Variants in LEF1 observed in about 807,000 individuals in gnomAD.
LEF1 encodes the protein lymphoid enhancer-binding factor 1.
Under a neutral mutation model 51.2 loss-of-function variants are expected in LEF1, and 14 were observed. The ratio of observed to expected loss-of-function variants is 0.27; its 90% confidence interval spans 0.18 to 0.43. LEF1 has a LOEUF of 0.43. Ranked by LOEUF, LEF1 falls within the 20% of genes least tolerant of loss-of-function variation. The probability of loss-of-function intolerance (pLI) is 1.00; values close to 1 mark genes in which losing one functional copy is unlikely to be tolerated. For synonymous variants in LEF1, 185 were observed against 183.2 expected, an observed-to-expected ratio of 1.01 and a Z score of -0.08; for missense variants, 386 against 512.0, an observed-to-expected ratio of 0.75 and a Z score of 2.37.
intron 3 of LEF1, among the ~76,000 whole-genome samples, chr4:108,124,090 G>A (rs973243122): frequency 6.6e-6 from 1 of 152,158 alleles, no homozygotes; most frequent in Non-Finnish European, 1.5e-5. Context: ...TGAGGCTTCA[G>A]TGAGCTATGA....
intron 3 of LEF1, among the ~76,000 whole-genome samples, chr4:108,151,666 G>GT (rs908409821): frequency 9.2e-5 from 14 of 152,162 alleles, no homozygotes; most frequent in Non-Finnish European, 1.8e-4. Context: ...ATAGCACTGA[G>GT]TTACTATGAG....
At chr4:108,162,598 T>C (rs1210283131) in intron 3 of LEF1, among the ~76,000 whole-genome samples, 1 of 152,164 alleles carries the variant, frequency 6.6e-6, no homozygotes, top group Non-Finnish European at 1.5e-5. Context: ...ATAGGTTCCA[T>C]TTTACAATCT....
chr4:108,054,910 G>C (rs1211346090), intron 11 of LEF1, among the ~76,000 whole-genome samples: 1 of 152,118 alleles, frequency 6.6e-6, no homozygotes, highest in East Asian at 1.9e-4. Flanking sequence ...AAAGAATAAA[G>C]TTACTTTGCT....
In LEF1 at chr4:108,097,658, AC is replaced by A. The variant is rs374225273; in HGVS notation, c.415-8402del. 2.9e-3 allele frequency among the ~76,000 whole-genome samples: 436 copies of A among 152,234 alleles called. 2 individuals carry two copies. The highest frequency in any genetic ancestry group is 0.01 in the African/African-American group (416 of 41,538). ...CCAATTACCTGGACATGATTACTAC[AC>A]CTTGTATGCCTATATCAAAACATCA... On this transcript the variant is annotated intron_variant, in intron 3 of 11. Coordinates refer to ENST00000265165, the MANE Select transcript of LEF1 (RefSeq NM_016269.5).
At chr4:108,164,426 T>A (rs942877079) in intron 2 of LEF1, among the ~76,000 whole-genome samples, 3 of 152,174 alleles carry the variant, frequency 2.0e-5, no homozygotes, top group Non-Finnish European at 4.4e-5. Context: ...TTAGGCCAAT[T>A]GTTAAGTAAT....
chr4:108,050,790 C>A (rs1408572155), intron 11 of LEF1, among the ~76,000 whole-genome samples: 1 of 152,130 alleles, frequency 6.6e-6, no homozygotes, highest in Non-Finnish European at 1.5e-5. Flanking sequence ...AGGGAGACAA[C>A]CTGCCCTTCT....
intron 11 of LEF1, 44 bp downstream of exon 11, chr4:108,063,579 T>TA (rs1365792340): frequency 1.3e-6 from 2 of 1,495,256 alleles, no homozygotes; most frequent in African/African-American, 1.4e-5. Flanking sequence ...TGCCTCTTTT[T>TA]ATAACAACTA....
intron 3 of LEF1, among the ~76,000 whole-genome samples, chr4:108,146,985 T>C (rs1448439085): frequency 1.3e-5 from 2 of 152,254 alleles, no homozygotes; most frequent in African/African-American, 4.8e-5. Flanking sequence ...ATAAGAAAAC[T>C]GAGGCTCAGT....
intron 1 of LEF1, chr4:108,166,706 A>G: frequency 1.0e-6 from 1 of 992,108 alleles, no homozygotes; most frequent in Non-Finnish European, 1.2e-6. Context: ...AGCGCCTTCC[A>G]CCCTGCAGGA....
At chr4:108,061,134 G>A (rs1737657719) in intron 11 of LEF1, among the ~76,000 whole-genome samples, 1 of 152,176 alleles carries the variant, frequency 6.6e-6, no homozygotes, top group African/African-American at 2.4e-5. Flanking sequence ...GAATGAGAGG[G>A]AGGGCAACAC....
In LEF1 at chr4:108,079,932, C is replaced by T. The variant is rs568278204; in HGVS notation, c.723-318G>A. On this transcript the variant is annotated intron_variant, in intron 6 of 11. Transcript: ENST00000265165. ...ATTTTTAAATGAAAGCAAAACACATCATGTTTTAAAATCTCTGCCTATATT... is the reference window on the plus strand; with the variant it reads ...ATTTTTAAATGAAAGCAAAACACATTATGTTTTAAAATCTCTGCCTATATT... Among the ~76,000 whole-genome samples, 7 of 152,254 alleles carry T rather than the reference C, an allele frequency of 4.6e-5. No homozygotes were observed. In the South Asian group the frequency reaches 1.0e-3, roughly 23 times the overall value.
chr4:108,093,239 T>G (rs1740166976), intron 3 of LEF1, among the ~76,000 whole-genome samples: 1 of 152,120 alleles, frequency 6.6e-6, no homozygotes. Flanking sequence ...ACAATGGGAA[T>G]GAACCCCCTG....
At chr4:108,048,775 C>T in intron 11 of LEF1, 24 bp from the exon 12 acceptor site, 1 of 1,565,348 alleles carries the variant, frequency 6.4e-7, no homozygotes, top group Non-Finnish European at 8.7e-7. Flanking sequence ...AAATGAAATG[C>T]TATTAATATG....
intron 3 of LEF1, among the ~76,000 whole-genome samples, chr4:108,144,761 G>T (rs150333066): frequency 1.3e-5 from 2 of 149,070 alleles, no homozygotes; most frequent in African/African-American, 4.9e-5. Flanking sequence ...TGGGCCACAC[G>T]AGGGTGAAAC....
chr4:108,127,174 C>T (rs1170638820), intron 3 of LEF1, among the ~76,000 whole-genome samples: 1 of 152,112 alleles, frequency 6.6e-6, no homozygotes, highest in East Asian at 1.9e-4. Flanking sequence ...GGCCCAGAGG[C>T]CAAGAACAGA....
Position 108,048,645 on chromosome 4 carries a change from G to A in LEF1, c.*113C>T, listed in dbSNP as rs567957860. ...GTCAGTGTTCCTTTGGGGTCGACTG[G>A]GCAGGCCGTGGAGACAGTCTGGGTT... On this transcript the variant is annotated 3_prime_UTR_variant, in exon 12 of 12. Transcript: ENST00000265165. The A allele has an allele frequency of 1.1e-3, 1,700 of 1,510,654 alleles. 1 individual carries two copies. The highest frequency in any genetic ancestry group is 1.4e-3 in the Non-Finnish European group (1,602 of 1,109,336). The allele number at this position is 1,510,654 out of a possible 1,614,324, so 93.6% of individuals were successfully genotyped here.
At chr4:108,086,057 C>G (rs1424304073) in intron 4 of LEF1, among the ~76,000 whole-genome samples, 5 of 152,172 alleles carry the variant, frequency 3.3e-5, no homozygotes, top group Admixed American at 3.3e-4. Flanking sequence ...ATATTATCAA[C>G]CACTTGGCAT....
intron 3 of LEF1, among the ~76,000 whole-genome samples, chr4:108,091,070 G>A (rs995600808): frequency 7.9e-5 from 12 of 152,042 alleles, no homozygotes; most frequent in Non-Finnish European, 1.5e-4. Flanking sequence ...ATCATAATTA[G>A]TTTGAATTAG....
intron 3 of LEF1, among the ~76,000 whole-genome samples, chr4:108,146,263 GGATTCTAT>G (rs1333775038): frequency 2.8e-4 from 43 of 152,332 alleles, no homozygotes; most frequent in African/African-American, 9.9e-4. Context: ...AAGGAATTCA[GGATTCTAT>G]GAGAGAGTGA....
Sources: gnomAD v4.1 joint callset for allele counts (sites outside exome capture counted in the v4.1 genomes callset) on GRCh38, gnomAD v4.1.1 for gene constraint, MANE v1.5 for transcripts, NCBI Gene and HGNC (gene_info 2026-07-23, HGNC 2026-07-21) for gene names.